Variants in SGCZ observed in about 807,000 individuals in gnomAD.
SGCZ encodes zeta-sarcoglycan.
SGCZ carries 40 observed loss-of-function variants against 41.3 expected under a neutral mutation model. That is an observed-to-expected ratio of 0.97 (90% CI 0.75 to 1.26). SGCZ has a LOEUF of 1.26. SGCZ is among the 50% of genes most tolerant of loss of function. The pLI, the probability that SGCZ is intolerant of heterozygous loss-of-function variation, is 0.00. For missense variants in SGCZ, 552 were observed against 369.8 expected, an observed-to-expected ratio of 1.49 and a Z score of -4.04; for synonymous variants, 206 against 137.5, an observed-to-expected ratio of 1.50 and a Z score of -3.49.
chr8:14,334,076 T>G (rs1448971198), intron 2 of SGCZ, among the ~76,000 whole-genome samples: 2 of 152,076 alleles, frequency 1.3e-5, no homozygotes, highest in African/African-American at 4.8e-5. Context: ...AATATTTGTC[T>G]GTTACTATAA....
intron 1 of SGCZ, among the ~76,000 whole-genome samples, chr8:14,921,483 A>C (rs954736323): frequency 6.6e-6 from 1 of 152,164 alleles, no homozygotes. Context: ...TGCTTAGTTA[A>C]TAAATATTCA....
chr8:14,978,581 G>C (rs1369055866), intron 1 of SGCZ, among the ~76,000 whole-genome samples: 3 of 146,602 alleles, frequency 2.0e-5, no homozygotes, highest in African/African-American at 7.7e-5. Context: ...TTGTAAACCA[G>C]ATTTTATCAC....
chr8:14,591,045 G>C (rs540535173), intron 1 of SGCZ, among the ~76,000 whole-genome samples: 1 of 150,810 alleles, frequency 6.6e-6, no homozygotes, highest in African/African-American at 2.4e-5. Context: ...GAGATTCCAA[G>C]AGACTTGCTC....
chr8:14,103,692 C>A (rs1397285161), intron 6 of SGCZ, among the ~76,000 whole-genome samples: 8 of 151,868 alleles, frequency 5.3e-5, no homozygotes, highest in Non-Finnish European at 2.9e-5. Context: ...AATTTTAATC[C>A]CTATGGGCCA....
chr8:15,090,397 A>T (rs967891559), intron 1 of SGCZ, among the ~76,000 whole-genome samples: 1 of 152,228 alleles, frequency 6.6e-6, no homozygotes, highest in African/African-American at 2.4e-5. Flanking sequence ...TTTCAGCTTC[A>T]TGCTGATATC....
chr8:14,925,339 T>C (rs898613946), intron 1 of SGCZ, among the ~76,000 whole-genome samples: 11 of 152,208 alleles, frequency 7.2e-5, no homozygotes, highest in African/African-American at 1.2e-4. Context: ...AATATGTTAA[T>C]TTCTTAATAT....
rs567268974 is a variant in SGCZ, at chr8:14,739,886, C to G, written c.40-184960G>C. On this transcript the variant is annotated intron_variant, in intron 1 of 7. Coordinates refer to ENST00000382080, the MANE Select transcript of SGCZ (RefSeq NM_139167.4). ...CGCAATTTCTCATTTAATTTCACTA[C>G]AGCAAAACCTTTCCGTACCACCCAC... 3.9e-5 allele frequency among the ~76,000 whole-genome samples: 6 copies of G among 152,134 alleles called. No homozygotes were observed. The East Asian group carries it at 1.2e-3, about 29-fold the overall frequency.
At chr8:15,160,386 C>G (rs942379437) in intron 1 of SGCZ, among the ~76,000 whole-genome samples, 4 of 152,124 alleles carry the variant, frequency 2.6e-5, no homozygotes, top group African/African-American at 9.7e-5. Flanking sequence ...ATCGATTTAT[C>G]TTTTGATAGA....
chr8:14,782,555 C>T (rs1800623470), intron 1 of SGCZ, among the ~76,000 whole-genome samples: 2 of 152,134 alleles, frequency 1.3e-5, no homozygotes, highest in South Asian at 2.1e-4. Flanking sequence ...ACGAATTAAC[C>T]ATCTGGAACC....
At chr8:14,178,626 A>G (rs1423501872) in intron 4 of SGCZ, among the ~76,000 whole-genome samples, 2 of 152,232 alleles carry the variant, frequency 1.3e-5, no homozygotes, top group Admixed American at 1.3e-4. Flanking sequence ...TTTCTGAATC[A>G]CCAGCAAAGA....
intron 2 of SGCZ, among the ~76,000 whole-genome samples, chr8:14,412,723 T>C (rs1453834182): frequency 1.3e-5 from 2 of 152,010 alleles, no homozygotes; most frequent in Non-Finnish European, 2.9e-5. Flanking sequence ...GTATTCAATA[T>C]GCACAATATG....
intron 1 of SGCZ, among the ~76,000 whole-genome samples, chr8:14,673,641 G>A (rs1476320256): frequency 6.6e-6 from 1 of 152,082 alleles, no homozygotes; most frequent in Non-Finnish European, 1.5e-5. Flanking sequence ...TGTGAAAATG[G>A]ACTAATACAA....
chr8:14,988,601 C>T (rs147499548), intron 1 of SGCZ, among the ~76,000 whole-genome samples: 164 of 151,950 alleles, frequency 1.1e-3, no homozygotes, highest in African/African-American at 3.8e-3. Context: ...TGAAGCTATG[C>T]CTTTTTCTTA....
chr8:15,227,358 C>A (rs1801811864), intron 1 of SGCZ, among the ~76,000 whole-genome samples: 1 of 152,122 alleles, frequency 6.6e-6, no homozygotes, highest in African/African-American at 2.4e-5. Flanking sequence ...AATGCATATA[C>A]ATAGAAAATA....
chr8:14,343,032 T>C (rs1489364487), intron 2 of SGCZ, among the ~76,000 whole-genome samples: 2 of 152,176 alleles, frequency 1.3e-5, no homozygotes, highest in Non-Finnish European at 1.5e-5. Context: ...GCTTGGGCTG[T>C]GACTTCAGAG....
intron 1 of SGCZ, among the ~76,000 whole-genome samples, chr8:15,121,606 G>A (rs112359032): frequency 1.3e-5 from 2 of 152,216 alleles, no homozygotes; most frequent in African/African-American, 4.8e-5. Flanking sequence ...AACAATATGG[G>A]AATTTAAGAA....
intron 1 of SGCZ, among the ~76,000 whole-genome samples, chr8:15,078,673 A>C (rs959749555): frequency 2.0e-5 from 3 of 151,966 alleles, no homozygotes; most frequent in Non-Finnish European, 4.4e-5. Context: ...CATAGGTTAT[A>C]TGTTCTCTGA....
At chr8:14,952,101 G>C (rs921062620) in intron 1 of SGCZ, among the ~76,000 whole-genome samples, 2 of 151,956 alleles carry the variant, frequency 1.3e-5, no homozygotes, top group Admixed American at 6.6e-5. Flanking sequence ...TGAAAGGTAA[G>C]AGTGCTGGGG....
At chr8:14,723,472 G>A (rs1809955056) in intron 1 of SGCZ, among the ~76,000 whole-genome samples, 1 of 152,094 alleles carries the variant, frequency 6.6e-6, no homozygotes, top group Admixed American at 6.5e-5. Flanking sequence ...CAGAGGGAGA[G>A]GAGGCCTTAG....
Sources: allele counts gnomAD v4.1 joint callset (sites outside exome capture counted in the v4.1 genomes callset), GRCh38; gene constraint gnomAD v4.1.1; transcripts MANE v1.5; gene names NCBI Gene and HGNC (gene_info 2026-07-23, HGNC 2026-07-21).